The following SMC6 variants were observed in gnomAD, a reference collection of about 807,000 sequenced individuals.
SMC6 encodes the protein structural maintenance of chromosomes protein 6.
Under a neutral mutation model 142.2 loss-of-function variants are expected in SMC6, and 79 were observed. The ratio of observed to expected loss-of-function variants is 0.56; its 90% confidence interval spans 0.46 to 0.67. SMC6 has a LOEUF of 0.67. SMC6 is among the 30% of genes least tolerant of loss of function. The pLI is 0.00. For missense variants in SMC6, 1,072 were observed against 1,284.0 expected (o/e 0.83, Z 2.52); for synonymous variants, 411 against 412.4 (o/e 1.00, Z 0.04).
At position 17,703,028 on chromosome 2, in the gene SMC6, A is replaced by C. The variant is rs1668344714; in HGVS notation, c.2142+129T>G. 7 of 477,808 alleles carry C rather than the reference A, an allele frequency of 1.5e-5. No homozygotes were observed. In the South Asian group the frequency reaches 2.1e-4, roughly 14 times the overall value. The allele number at this position is 477,808 out of a possible 1,614,324, so 29.6% of individuals were successfully genotyped here. On this transcript the variant is annotated intron_variant, in intron 19 of 27. Coordinates refer to ENST00000448223, the MANE Select transcript of SMC6 (RefSeq NM_001142286.2). ...TACCCACATAAATGAAAGCTCTTTGATGAGTGTAAAGGGGCTTGAGGCCAA... is the reference window on the plus strand; with the variant it reads ...TACCCACATAAATGAAAGCTCTTTGCTGAGTGTAAAGGGGCTTGAGGCCAA...
In SMC6 at chr2:17,749,748, T is replaced by C. The variant is rs181713452; in HGVS notation, c.-6+3230A>G. Reference sequence around the variant, plus strand: ...TATTGCATGTAGATGCATAGGAAATTTGATAGAGATCATGCATTTTAACAG... The same window carrying C: ...TATTGCATGTAGATGCATAGGAAATCTGATAGAGATCATGCATTTTAACAG... On this transcript the variant is annotated intron_variant, in intron 2 of 27. Coordinates refer to ENST00000448223, the MANE Select transcript of SMC6 (RefSeq NM_001142286.2). 3.8e-3 allele frequency among the ~76,000 whole-genome samples: 573 copies of C among 152,318 alleles called. 2 individuals are homozygous for C. Among genetic ancestry groups the C allele is most frequent in the Non-Finnish European group, 5.4e-3 (370 of 68,024 alleles).
intron 4 of SMC6, among the ~76,000 whole-genome samples, chr2:17,739,921 CACACACAG>C: frequency 7.5e-6 from 1 of 134,174 alleles, no homozygotes; most frequent in African/African-American, 2.8e-5. Flanking sequence ...CACACACACA[CACACACAG>C]AATATGGTAA....
chr2:17,703,397 C>A, intron 18 of SMC6, 105 bp from the exon 19 acceptor site: 3 of 1,026,746 alleles, frequency 2.9e-6, no homozygotes, highest in Non-Finnish European at 4.1e-6. Context: ...AAGTTATGTG[C>A]AAAATCCTTT....
chr2:17,694,410 C>T (rs1238396421), intron 23 of SMC6, among the ~76,000 whole-genome samples: 5 of 152,072 alleles, frequency 3.3e-5, no homozygotes, highest in Non-Finnish European at 5.9e-5. Context: ...CATTACACAT[C>T]GTATGTATGT....
chr2:17,694,674 G>A (rs916540130), intron 23 of SMC6, among the ~76,000 whole-genome samples: 24 of 152,132 alleles, frequency 1.6e-4, no homozygotes, highest in African/African-American at 5.8e-4. Flanking sequence ...ACATAAATAG[G>A]TGGTGGAAAT....
At chr2:17,700,100 C>A in intron 21 of SMC6, 108 bp downstream of exon 21, 1 of 617,372 alleles carries the variant, frequency 1.6e-6, no homozygotes, top group South Asian at 3.2e-5. Flanking sequence ...AATTTTTATG[C>A]TATTTACATT....
At position 17,686,802 on chromosome 2, in the gene SMC6, G is replaced by A. The variant is rs73921043; in HGVS notation, c.2679-3039C>T. On this transcript the variant is annotated intron_variant, in intron 23 of 27. Transcript: ENST00000448223. ...CTTATATAAATTCAGAATCAGGAAT[G>A]ACAGTGATGTCAAACAACCACAGAT... is the stretch of plus-strand genomic sequence containing the variant. Among the ~76,000 whole-genome samples, 1,195 of 152,280 alleles carry A rather than the reference G, an allele frequency of 7.8e-3. 15 individuals are homozygous for A. Among genetic ancestry groups the A allele is most frequent in the African/African-American group, 0.027 (1,123 of 41,546 alleles).
intron 16 of SMC6, among the ~76,000 whole-genome samples, chr2:17,712,656 C>G (rs1403729898): frequency 6.6e-6 from 1 of 152,200 alleles, no homozygotes; most frequent in Non-Finnish European, 1.5e-5. Context: ...TCCTATGTAT[C>G]TGATGCATTA....
In SMC6 at chr2:17,694,024, AG is replaced by A. The variant is rs1558339498; in HGVS notation, c.2678+1127del. 1.5e-3 allele frequency among the ~76,000 whole-genome samples: 80 copies of A among 53,412 alleles called. 3 individuals are homozygous for A. The highest frequency in any genetic ancestry group is 6.1e-3 in the African/African-American group (41 of 6,674). The allele number at this position is 53,412 out of a possible 152,430, so 35.0% of individuals were successfully genotyped here. On this transcript the variant is annotated intron_variant, in intron 23 of 27. Transcript: ENST00000448223. ...TCAAAAAAAAAAAAAAAAAAAAAAA[AG>A]AATGAAATCCTGTCATTTACAGCAA...
intron 26 of SMC6, among the ~76,000 whole-genome samples, chr2:17,668,741 T>C (rs1666618949): frequency 6.6e-6 from 1 of 152,110 alleles, no homozygotes; most frequent in Non-Finnish European, 1.5e-5. Flanking sequence ...TGACATGTGA[T>C]TAAGGAGGGC....
intron 14 of SMC6, 96 bp from the exon 15 acceptor site, chr2:17,716,360 C>G: frequency 1.7e-6 from 2 of 1,155,082 alleles, no homozygotes; most frequent in Non-Finnish European, 2.4e-6. Context: ...GTGAACGACC[C>G]AGCTAGCTAC....
intron 23 of SMC6, among the ~76,000 whole-genome samples, chr2:17,684,664 TAATAA>T (rs1667370571): frequency 1.3e-5 from 2 of 151,870 alleles, no homozygotes; most frequent in African/African-American, 2.4e-5. Flanking sequence ...TTTCTACAAA[TAATAA>T]AATAAAAATT....
At position 17,707,224 on chromosome 2, in the gene SMC6, T is replaced by C; in HGVS notation, c.2001A>G (p.Glu667=). The C allele has an allele frequency of 6.3e-7, 1 of 1,577,244 alleles. No individual in the cohort carries two copies. The highest frequency in any genetic ancestry group is 1.4e-5 in the African/African-American group (1 of 72,850). Reference sequence around the variant, plus strand: ...AAGCTAAACTTGACTCTAACCTTATTTCAGAATCCACATCTCTGCTTAGGA... The same window carrying C: ...AAGCTAAACTTGACTCTAACCTTATCTCAGAATCCACATCTCTGCTTAGGA... ...PKFLSRDVDS[E]ISDLENEVEN... Residue 667 remains glutamate (E), a synonymous_variant, in exon 18 of 28, where the codon GAA becomes GAG. Transcript: ENST00000448223.
intron 16 of SMC6, among the ~76,000 whole-genome samples, chr2:17,709,566 A>G (rs182573724): frequency 6.6e-6 from 1 of 152,172 alleles, no homozygotes; most frequent in Non-Finnish European, 1.5e-5. Context: ...CTTTGCATAC[A>G]TGTTTTATAC....
At chr2:17,723,009 A>C (rs1207838213) in intron 9 of SMC6, among the ~76,000 whole-genome samples, 1 of 151,446 alleles carries the variant, frequency 6.6e-6, no homozygotes, top group Non-Finnish European at 1.5e-5. Context: ...TAAAAAAAAA[A>C]AAAAGAAAAG....
chr2:17,709,932 G>A (rs957346316), intron 16 of SMC6, among the ~76,000 whole-genome samples: 2 of 152,200 alleles, frequency 1.3e-5, no homozygotes, highest in African/African-American at 4.8e-5. Context: ...GCCACAGTAG[G>A]CAGATCAGGG....
At chr2:17,669,639 T>C (rs1049694904) in intron 26 of SMC6, among the ~76,000 whole-genome samples, 4 of 152,158 alleles carry the variant, frequency 2.6e-5, no homozygotes, top group Non-Finnish European at 4.4e-5. Flanking sequence ...TGGTGTCAAA[T>C]ACTTCAAAAA....
chr2:17,698,039 A>C (rs888206880), intron 21 of SMC6, among the ~76,000 whole-genome samples: 9 of 152,246 alleles, frequency 5.9e-5, no homozygotes, highest in East Asian at 5.8e-4. Context: ...CAGTAACAAA[A>C]GACCACATAC....
At chr2:17,731,636 AATC>A in intron 6 of SMC6, 102 bp downstream of exon 6, 1 of 1,132,222 alleles carries the variant, frequency 8.8e-7, no homozygotes, top group Non-Finnish European at 1.3e-6. Flanking sequence ...GCACACAACC[AATC>A]ATGTTACAAG....
Sources: allele counts gnomAD v4.1 joint callset (sites outside exome capture counted in the v4.1 genomes callset), GRCh38; gene constraint gnomAD v4.1.1; transcripts MANE v1.5; gene names NCBI Gene and HGNC (gene_info 2026-07-23, HGNC 2026-07-21).